The following ITPR1 variants were observed in gnomAD, a reference collection of about 807,000 sequenced individuals.
ITPR1 encodes the protein inositol 1,4,5-trisphosphate-gated calcium channel ITPR1.
Under a neutral mutation model 318.4 loss-of-function variants are expected in ITPR1, and 96 were observed. That is an observed-to-expected ratio of 0.30 (90% CI 0.26 to 0.36). The LOEUF is 0.36. Ranked by LOEUF, ITPR1 falls within the 10% of genes least tolerant of loss-of-function variation. The pLI is 1.00. For synonymous variants in ITPR1, 1,312 were observed against 1,289.9 expected (o/e 1.02, Z -0.37); for missense variants, 2,440 against 3,460.2 (o/e 0.71, Z 7.40).
Position 4,787,959 on chromosome 3 carries a change from G to C in ITPR1, c.6628G>C (p.Asp2210His), listed in dbSNP as rs139244792. 6.2e-7 allele frequency: 1 copy of C among 1,610,396 alleles called. No individual in the cohort carries two copies. The highest frequency in any genetic ancestry group is 1.3e-5 in the African/African-American group (1 of 74,932). Residue 2210 changes from aspartate to histidine, a missense_variant, in exon 52 of 62, where the codon GAC becomes CAC. Asp to His is a moderately conservative substitution (Grantham distance 81). This residue lies in a region of ITPR1 where 115 missense variants were observed against 204.5 expected (regional missense o/e 0.56). Transcript: ENST00000649015. Reference sequence around the variant, plus strand: ...TTTTTCATCCTAGATTGTCAGATTAGACCGAACAATGGAACAGATAGTCTT... The same window carrying C: ...TTTTTCATCCTAGATTGTCAGATTACACCGAACAATGGAACAGATAGTCTT... ...HTAQIEIVRL[D>H]RTMEQIVFPV...
At chr3:4,656,897 G>A (rs574862439) in intron 12 of ITPR1, among the ~76,000 whole-genome samples, 6 of 152,308 alleles carry the variant, frequency 3.9e-5, no homozygotes, top group East Asian at 1.9e-4. Flanking sequence ...TAGAGTTGCC[G>A]GGCTGAGCGC....
chr3:4,751,328 G>A (rs1312562871), intron 44 of ITPR1: 3 of 152,128 alleles, frequency 2.0e-5, no homozygotes, highest in Admixed American at 6.5e-5. Context: ...ATTCTCAGCA[G>A]GGACGACGAA....
chr3:4,708,500 G>A (rs1254474285), intron 37 of ITPR1, among the ~76,000 whole-genome samples: 3 of 152,182 alleles, frequency 2.0e-5, no homozygotes, highest in African/African-American at 7.2e-5. Flanking sequence ...ACCAGTTCTT[G>A]ATTCCTGATG....
intron 31 of ITPR1, among the ~76,000 whole-genome samples, chr3:4,689,247 G>A (rs1239438569): frequency 6.6e-6 from 1 of 152,134 alleles, no homozygotes; most frequent in African/African-American, 2.4e-5. Flanking sequence ...CATATTAATG[G>A]ACAGTTAGGC....
At chr3:4,768,476 T>C in intron 45 of ITPR1, 35 bp from the exon 46 acceptor site, 1 of 1,571,366 alleles carries the variant, frequency 6.4e-7, no homozygotes, top group Non-Finnish European at 8.7e-7. Context: ...CCATGAGGAC[T>C]CTGCAGCCTT....
At chr3:4,795,627 G>A (rs930792761) in intron 53 of ITPR1, among the ~76,000 whole-genome samples, 2 of 152,002 alleles carry the variant, frequency 1.3e-5, no homozygotes, top group African/African-American at 2.4e-5. Flanking sequence ...TAAAGAATTT[G>A]TAAGAAATCT....
At position 4,658,222 on chromosome 3, in the gene ITPR1, C is replaced by T. The variant is rs1343673783; in HGVS notation, c.1095C>T (p.Ser365=). The T allele has an allele frequency of 6.2e-7, 1 of 1,613,688 alleles. No homozygotes were observed. Among genetic ancestry groups the T allele is most frequent in the East Asian group, 2.2e-5 (1 of 44,848 alleles). Reference sequence around the variant, plus strand: ...CTGTGCCTGAAGGCAATGACATCTCCTCCATTTTCGAGCTAGATCCCACCA... The same window carrying T: ...CTGTGCCTGAAGGCAATGACATCTCTTCCATTTTCGAGCTAGATCCCACCA... The part of the protein sequence containing the change: ...LVSVPEGNDI[S]SIFELDPTTL... Residue 365 remains serine, a synonymous_variant, in exon 13 of 62, where the codon TCC becomes TCT. Coordinates refer to ENST00000649015, the MANE Select transcript of ITPR1 (RefSeq NM_001378452.1).
chr3:4,680,521 C>T (rs1408880781), intron 24 of ITPR1, 32 bp from the exon 25 acceptor site: 4 of 1,606,768 alleles, frequency 2.5e-6, no homozygotes, highest in African/African-American at 1.3e-5. Context: ...TTAATGTAAC[C>T]AATCTGTTTC....
intron 4 of ITPR1, among the ~76,000 whole-genome samples, chr3:4,625,698 A>G (rs2125125611): frequency 6.6e-6 from 1 of 152,184 alleles, no homozygotes; most frequent in Admixed American, 6.5e-5. Context: ...CTGGGACTAC[A>G]GGCGCCCGCC....
chr3:4,819,958 C>T (rs1229873006), intron 60 of ITPR1, among the ~76,000 whole-genome samples: 1 of 152,208 alleles, frequency 6.6e-6, no homozygotes, highest in African/African-American at 2.4e-5. Flanking sequence ...GAATTCAAAC[C>T]AGGCTTGGCT....
chr3:4,693,501 G>A lies in ITPR1; in HGVS notation c.4041G>A (p.Ser1347=), dbSNP rs746911845. ...QDMVMAELVN[S]GEDVLVFYND... ...TGTTCTTTATGTAGCTGGTCAATTC[G>A]GGAGAGGATGTCCTCGTGTTCTACA... Residue 1347 remains serine, a synonymous_variant, in exon 33 of 62, where the codon TCG becomes TCA. Transcript: ENST00000649015. 9 of 1,613,600 alleles carry A rather than the reference G, an allele frequency of 5.6e-6. No homozygotes were observed. The highest frequency in any genetic ancestry group is 2.7e-5 in the African/African-American group (2 of 74,854).
intron 33 of ITPR1, 141 bp from the exon 34 acceptor site, chr3:4,697,006 A>G (rs2094569666): frequency 1.6e-6 from 1 of 637,266 alleles, no homozygotes. Flanking sequence ...AATTTCAAAT[A>G]TCAGAAAATC....
intron 4 of ITPR1, among the ~76,000 whole-genome samples, chr3:4,532,445 G>A (rs1241916783): frequency 6.6e-6 from 1 of 152,120 alleles, no homozygotes; most frequent in Non-Finnish European, 1.5e-5. Flanking sequence ...GCCCACCGCA[G>A]CCTTGACTTC....
intron 16 of ITPR1, among the ~76,000 whole-genome samples, 159 bp from the exon 17 acceptor site, chr3:4,664,979 G>T (rs544857587): frequency 6.6e-6 from 1 of 152,216 alleles, no homozygotes; most frequent in African/African-American, 2.4e-5. Context: ...TCCCATCTCA[G>T]TTGATGGGCT....
intron 4 of ITPR1, among the ~76,000 whole-genome samples, chr3:4,589,388 T>C (rs2090194642): frequency 6.6e-6 from 1 of 152,178 alleles, no homozygotes; most frequent in Non-Finnish European, 1.5e-5. Flanking sequence ...GTTTGGATCC[T>C]TGCTATTTAA....
chr3:4,615,028 T>G (rs926130761), intron 4 of ITPR1, among the ~76,000 whole-genome samples: 3 of 152,138 alleles, frequency 2.0e-5, no homozygotes, highest in African/African-American at 7.2e-5. Context: ...GCTCACAGAA[T>G]CAATAAGGAG....
At chr3:4,558,020 C>A (rs2086304198) in intron 4 of ITPR1, among the ~76,000 whole-genome samples, 1 of 152,128 alleles carries the variant, frequency 6.6e-6, no homozygotes, top group Admixed American at 6.6e-5. Flanking sequence ...ATCATTTGTC[C>A]CCTCAGAATA....
intron 4 of ITPR1, among the ~76,000 whole-genome samples, chr3:4,566,696 G>T (rs771636804): frequency 6.6e-6 from 1 of 151,344 alleles, no homozygotes; most frequent in Non-Finnish European, 1.5e-5. Flanking sequence ...CCTCCTGAAT[G>T]CAATGCAGAT....
At chr3:4,631,534 C>T (rs1041208359) in intron 5 of ITPR1, among the ~76,000 whole-genome samples, 7 of 151,674 alleles carry the variant, frequency 4.6e-5, no homozygotes, top group African/African-American at 1.5e-4. Context: ...TTATTTTTTC[C>T]GGAATTATAT....
Sources: allele counts gnomAD v4.1 joint callset (sites outside exome capture counted in the v4.1 genomes callset), GRCh38; gene constraint gnomAD v4.1.1; regional missense constraint gnomAD v4.1.1; transcripts MANE v1.5; gene names NCBI Gene and HGNC (gene_info 2026-07-23, HGNC 2026-07-21).